SLC38A12: variants seen among roughly 807,000 people sequenced by gnomAD.
SLC38A12 encodes the protein solute carrier family 38 member 12.
chr17:74,797,552 C>T, the SLC38A12 span, among the ~76,000 whole-genome samples: 1 of 152,154 alleles, frequency 6.6e-6, no homozygotes, highest in Non-Finnish European at 1.5e-5. Context: ...TGCATGGGCT[C>T]TTCTACCCAG....
chr17:74,805,895 C>G, the SLC38A12 span, among the ~76,000 whole-genome samples: 5 of 152,208 alleles, frequency 3.3e-5, no homozygotes, highest in African/African-American at 4.8e-5. This position sits in a 1 kb window ranked among gnomAD's most constrained non-coding sequence, Gnocchi z 5.0. Flanking sequence ...CAACAGAGGG[C>G]GATGGCACTG....
the SLC38A12 span, among the ~76,000 whole-genome samples, chr17:74,811,777 A>G: frequency 6.6e-6 from 1 of 151,948 alleles, no homozygotes; most frequent in Non-Finnish European, 1.5e-5. Flanking sequence ...CACGCCTGTA[A>G]TCCTAGCACT....
the SLC38A12 span, chr17:74,839,294 G>C: frequency 1.0e-6 from 1 of 987,218 alleles, no homozygotes; most frequent in Non-Finnish European, 1.4e-6. Flanking sequence ...GAGCAGCCTC[G>C]GCAACAGGCA....
At chr17:74,790,269 G>A in the SLC38A12 span, 45 of 1,614,006 alleles carry the variant, frequency 2.8e-5, no homozygotes, top group South Asian at 4.6e-4. Context: ...CTACGAGCGG[G>A]CAGAGAAGCG....
chr17:74,795,833 C>A, the SLC38A12 span, among the ~76,000 whole-genome samples: 1 of 152,214 alleles, frequency 6.6e-6, no homozygotes, highest in African/African-American at 2.4e-5. Context: ...AGGTTCCTGG[C>A]AGCAGGCCTC....
chr17:74,809,187 G>GT, the SLC38A12 span, among the ~76,000 whole-genome samples: 507 of 152,318 alleles, frequency 3.3e-3, 3 homozygotes, highest in African/African-American at 0.011. Flanking sequence ...AGAAAAGGAA[G>GT]TATATGGGTT....
the SLC38A12 span, chr17:74,795,688 C>T: frequency 7.3e-7 from 1 of 1,361,636 alleles, no homozygotes; most frequent in African/African-American, 1.4e-5. Context: ...CAGCTGAGGG[C>T]ATTTGAAGTG....
chr17:74,817,900 G>A, the SLC38A12 span, among the ~76,000 whole-genome samples: 1 of 152,128 alleles, frequency 6.6e-6, no homozygotes. Flanking sequence ...ATTTCAGCGG[G>A]AAGTCAGAGG....
the SLC38A12 span, chr17:74,795,470 A>G: frequency 3.6e-4 from 552 of 1,534,196 alleles, 8 homozygotes; most frequent in East Asian, 9.8e-3. Flanking sequence ...TGTCTCCCCC[A>G]GCCCAGCCAG....
the SLC38A12 span, among the ~76,000 whole-genome samples, chr17:74,789,023 G>A: frequency 6.6e-6 from 1 of 152,216 alleles, no homozygotes; most frequent in Admixed American, 6.5e-5. Context: ...AAGCTTAATA[G>A]CCACCTAAAT....
At chr17:74,789,016 C>A in the SLC38A12 span, 1 of 657,068 alleles carries the variant, frequency 1.5e-6, no homozygotes, top group Non-Finnish European at 2.5e-6. Context: ...AGAGCTGAAG[C>A]TTAATAGCCA....
At chr17:74,794,721 A>G in the SLC38A12 span, among the ~76,000 whole-genome samples, 8 of 151,450 alleles carry the variant, frequency 5.3e-5, no homozygotes, top group African/African-American at 1.9e-4. Context: ...CAAGACTCAC[A>G]CTCACCGTGC....
chr17:74,812,779 G>A, the SLC38A12 span, among the ~76,000 whole-genome samples: 8 of 152,064 alleles, frequency 5.3e-5, no homozygotes, highest in East Asian at 3.9e-4. Context: ...GCTGCTGTAC[G>A]AGAAGTGCCT....
At chr17:74,822,197 C>T in the SLC38A12 span, among the ~76,000 whole-genome samples, 1 of 152,236 alleles carries the variant, frequency 6.6e-6, no homozygotes, top group Non-Finnish European at 1.5e-5. Flanking sequence ...AGAGGAGAAG[C>T]CAAATTCTGT....
chr17:74,800,334 G>C, the SLC38A12 span, among the ~76,000 whole-genome samples: 2 of 152,218 alleles, frequency 1.3e-5, no homozygotes, highest in Non-Finnish European at 2.9e-5. Flanking sequence ...TCACCGACTT[G>C]ATTGATGCCC....
chr17:74,819,879 C>A, the SLC38A12 span: 3 of 1,574,616 alleles, frequency 1.9e-6, no homozygotes, highest in South Asian at 3.3e-5. Context: ...TCTGCGCTTT[C>A]TCCTCTCGTC....
At chr17:74,839,001 C>T in the SLC38A12 span, 1 of 1,535,752 alleles carries the variant, frequency 6.5e-7, no homozygotes, top group Non-Finnish European at 8.7e-7. Flanking sequence ...TACCCAACAT[C>T]TGCCACCTGC....
the SLC38A12 span, among the ~76,000 whole-genome samples, chr17:74,791,585 C>T: frequency 6.6e-6 from 1 of 152,258 alleles, no homozygotes; most frequent in Non-Finnish European, 1.5e-5. Context: ...CCGATTCTGT[C>T]TAGAATAACA....
chr17:74,830,581 G>A, the SLC38A12 span, among the ~76,000 whole-genome samples: 3 of 152,226 alleles, frequency 2.0e-5, no homozygotes, highest in African/African-American at 4.8e-5. Flanking sequence ...TGACCGCCAC[G>A]CTTGAGGTTG....
Sources: allele counts gnomAD v4.1 joint callset (sites outside exome capture counted in the v4.1 genomes callset), GRCh38; gene constraint gnomAD v4.1.1; non-coding constraint Gnocchi (gnomAD v3.1); transcripts MANE v1.5; gene names NCBI Gene and HGNC (gene_info 2026-07-23, HGNC 2026-07-21).